Variants in TDRP observed in about 807,000 individuals in gnomAD.
The protein encoded by TDRP is testis development related protein, also known as testis development-related protein.
In TDRP, 12 loss-of-function variants were observed where a neutral mutation model predicts 10.5. The ratio of observed to expected loss-of-function variants is 1.15; its 90% CI spans 0.73 to 1.86. The LOEUF (loss-of-function observed/expected upper bound fraction) is 1.86. TDRP is among the 40% of genes most tolerant of loss of function. The probability of loss-of-function intolerance (pLI) is 0.00; values close to 1 mark genes in which losing one functional copy is unlikely to be tolerated. For missense variants in TDRP, 353 were observed against 229.2 expected (o/e 1.54, Z -3.49); for synonymous variants, 139 against 95.4 (o/e 1.46, Z -2.67).
chr8:536,397 G>A (rs1173313416), intron 1 of TDRP, among the ~76,000 whole-genome samples: 1 of 152,178 alleles, frequency 6.6e-6, no homozygotes, highest in Non-Finnish European at 1.5e-5. Context: ...GTCAAACTGA[G>A]TTTTTAATTA....
chr8:540,616 G>T (rs1802467346), intron 1 of TDRP, among the ~76,000 whole-genome samples: 1 of 151,888 alleles, frequency 6.6e-6, no homozygotes, highest in Non-Finnish European at 1.5e-5. Context: ...GCGGTTATAT[G>T]TTAATACAAA....
intron 1 of TDRP, among the ~76,000 whole-genome samples, chr8:523,871 A>G (rs1215199770): frequency 6.6e-6 from 1 of 152,146 alleles, no homozygotes; most frequent in African/African-American, 2.4e-5. Flanking sequence ...ACCAGGGGGA[A>G]CTCATTGTCC....
At chr8:506,472 G>A (rs1196874058) in intron 1 of TDRP, among the ~76,000 whole-genome samples, 1 of 152,130 alleles carries the variant, frequency 6.6e-6, no homozygotes, top group African/African-American at 2.4e-5. Flanking sequence ...ACACTAAGCC[G>A]CAGCTGAATG....
At position 528,908 on chromosome 8, in the gene TDRP, C is replaced by G. The variant is rs571750868; in HGVS notation, c.108+15742G>C. On this transcript the variant is annotated intron_variant, in intron 1 of 2. Coordinates refer to ENST00000324079, the MANE Select transcript of TDRP (RefSeq NM_001384899.1). ...GTATTAACTCACACAATCACAAGGT[C>G]CCACAACAGGATGTCTGCAAGCTGA... 6.6e-5 allele frequency among the ~76,000 whole-genome samples: 10 copies of G among 152,122 alleles called. 1 individual carries two copies. The highest frequency in any genetic ancestry group is 2.4e-4 in the African/African-American group (10 of 41,500).
In TDRP at chr8:490,277, T is replaced by G. The variant is rs1563112752; in HGVS notation, c.*2122A>C. ...ACAGAAGAAAAAATCATTTTTACAT[T>G]AGTCTTTGTAGATAAGAAAAATTTG... is the stretch of plus-strand genomic sequence containing the variant. On this transcript the variant is annotated 3_prime_UTR_variant, in exon 3 of 3. Transcript: ENST00000324079. 1 of 152,250 alleles carries G rather than the reference T, an allele frequency of 6.6e-6. No individual in the cohort carries two copies. Among genetic ancestry groups the G allele is most frequent in the Non-Finnish European group, 1.5e-5 (1 of 68,044 alleles). 9.4% of individuals were successfully genotyped at this position (152,250 alleles called of 1,614,324 possible). A position where few individuals can be genotyped will look rare whatever the true frequency, so the allele number is the denominator to read the frequency against.
intron 1 of TDRP, among the ~76,000 whole-genome samples, chr8:505,918 G>T (rs1339871077): frequency 6.6e-6 from 1 of 152,150 alleles, no homozygotes; most frequent in Non-Finnish European, 1.5e-5. Context: ...ATATCAACTT[G>T]CTAGCTTCAC....
chr8:512,014 C>A (rs1246766858), intron 1 of TDRP, among the ~76,000 whole-genome samples: 1 of 151,754 alleles, frequency 6.6e-6, no homozygotes, highest in African/African-American at 2.4e-5. Context: ...GGAAAAAGAG[C>A]AAACTAAACC....
rs1800921052 is a variant in TDRP, at chr8:489,964, T to A, written c.*2435A>T. 6.6e-6 allele frequency: 1 copy of A among 152,184 alleles called. No individual in the cohort carries two copies. Among genetic ancestry groups the A allele is most frequent in the African/African-American group, 2.4e-5 (1 of 41,438 alleles). 9.4% of individuals were successfully genotyped at this position (152,184 alleles called of 1,614,324 possible). ...AAGGAAAGAGCTTAAAAACAGTATT[T>A]TTATTTTTAAAAAACCTCAACATTA... On this transcript the variant is annotated 3_prime_UTR_variant, in exon 3 of 3. Coordinates refer to ENST00000324079, the MANE Select transcript of TDRP (RefSeq NM_001384899.1).
chr8:542,130 T>A (rs1802510550), intron 1 of TDRP, among the ~76,000 whole-genome samples: 1 of 152,178 alleles, frequency 6.6e-6, no homozygotes, highest in Non-Finnish European at 1.5e-5. Context: ...GAACCTTAAA[T>A]GCATCTTTCT....
chr8:528,947 C>T (rs150708691), intron 1 of TDRP, among the ~76,000 whole-genome samples: 8 of 152,140 alleles, frequency 5.3e-5, no homozygotes, highest in Non-Finnish European at 2.9e-5. Flanking sequence ...GCAAGGAAGC[C>T]AGTCCGAGTC....
intron 1 of TDRP, among the ~76,000 whole-genome samples, chr8:499,911 G>C (rs1293457411): frequency 6.6e-6 from 1 of 152,214 alleles, no homozygotes; most frequent in East Asian, 1.9e-4. Flanking sequence ...TGCTGCTCAT[G>C]GTATGGGGCA....
intron 1 of TDRP, among the ~76,000 whole-genome samples, chr8:528,549 A>G (rs1369535116): frequency 2.0e-5 from 3 of 147,956 alleles, no homozygotes; most frequent in Admixed American, 6.9e-5. Context: ...TATAGTTAGC[A>G]TAAGATCTGG....
intron 2 of TDRP, among the ~76,000 whole-genome samples, chr8:493,213 A>G (rs932103442): frequency 2.0e-5 from 3 of 152,248 alleles, no homozygotes; most frequent in Non-Finnish European, 4.4e-5. Context: ...TCAGAACACC[A>G]TCTACTATAA....
intron 1 of TDRP, among the ~76,000 whole-genome samples, chr8:524,534 T>C (rs1349845168): frequency 2.0e-5 from 3 of 152,156 alleles, no homozygotes; most frequent in Non-Finnish European, 2.9e-5. Context: ...AAATTCAAGA[T>C]GACACAGAGA....
chr8:537,399 C>G (rs1563133325), intron 1 of TDRP, among the ~76,000 whole-genome samples: 1 of 152,238 alleles, frequency 6.6e-6, no homozygotes, highest in Admixed American at 6.5e-5. Context: ...CAAGGGATAC[C>G]AGAAAACCAA....
rs199849668 is a variant in TDRP, at chr8:494,221, A to G, written c.212+273T>C. Among the ~76,000 whole-genome samples the G allele has an allele frequency of 2.6e-5, 4 of 151,978 alleles. 1 individual carries two copies. Among genetic ancestry groups the G allele is most frequent in the East Asian group, 3.9e-4 (2 of 5,138 alleles). ...TGTGATCTGCCTGCCTTGGCCTCCCAAAGTGCTGGGATTACAGGCATGAGC... is the reference window on the plus strand; with the variant it reads ...TGTGATCTGCCTGCCTTGGCCTCCCGAAGTGCTGGGATTACAGGCATGAGC... On this transcript the variant is annotated intron_variant, in intron 2 of 2. Transcript: ENST00000324079.
Position 533,961 on chromosome 8 carries a change from T to C in TDRP, c.108+10689A>G, listed in dbSNP as rs547749009. On this transcript the variant is annotated intron_variant, in intron 1 of 2. Coordinates refer to ENST00000324079, the MANE Select transcript of TDRP (RefSeq NM_001384899.1). ...AAAATTAAAAGTACACTGTCATGTT[T>C]ACTGTATTGAAAATTGAGCCAAAAC... Among the ~76,000 whole-genome samples the C allele has an allele frequency of 1.7e-4, 26 of 152,336 alleles. No individual in the cohort carries two copies. The East Asian group carries it at 3.1e-3, about 18-fold the overall frequency.
At chr8:518,642 G>C (rs956537551) in intron 1 of TDRP, among the ~76,000 whole-genome samples, 3 of 151,918 alleles carry the variant, frequency 2.0e-5, no homozygotes, top group Non-Finnish European at 4.4e-5. Flanking sequence ...CAGTTAAAGA[G>C]TTATTCCTTT....
At chr8:544,873 G>C, upstream of TDRP, 1 of 662,994 alleles carries the variant, frequency 1.5e-6, no homozygotes. Flanking sequence ...AGTGGGCCGG[G>C]CGGGGCTAGG....
Sources: gnomAD v4.1 joint callset for allele counts (sites outside exome capture counted in the v4.1 genomes callset) on GRCh38, gnomAD v4.1.1 for gene constraint, MANE v1.5 for transcripts, NCBI Gene and HGNC (gene_info 2026-07-23, HGNC 2026-07-21) for gene names.